The following UBA3 variants were observed in gnomAD, a reference collection of about 807,000 sequenced individuals.
UBA3 encodes NEDD8-activating enzyme E1 catalytic subunit.
In UBA3, 26 loss-of-function variants were observed where a neutral mutation model predicts 73.5. The ratio of observed to expected loss-of-function variants is 0.35; its 90% CI spans 0.26 to 0.49. The LOEUF (loss-of-function observed/expected upper bound fraction) is 0.49, where lower values mean the gene tolerates loss of function less well. UBA3 is among the 20% of genes least tolerant of loss of function. The pLI is 0.98. For missense variants in UBA3, 495 were observed against 555.6 expected (o/e 0.89, Z 1.10); for synonymous variants, 217 against 191.2 (o/e 1.13, Z -1.11).
At chr3:69,076,272 C>T in intron 3 of UBA3, 1 of 152,382 alleles carries the variant, frequency 6.6e-6, no homozygotes, top group Non-Finnish European at 1.5e-5. Flanking sequence ...GGCACTGTGG[C>T]TCACACCTGT....
At chr3:69,063,577 C>T in intron 7 of UBA3, 74 bp from the exon 8 acceptor site, 1 of 1,191,226 alleles carries the variant, frequency 8.4e-7, no homozygotes, top group Non-Finnish European at 1.2e-6. Flanking sequence ...GTAGATTCAT[C>T]AACTGCAACA....
At chr3:69,078,561 C>T (rs1575850959) in intron 2 of UBA3, among the ~76,000 whole-genome samples, 1 of 152,210 alleles carries the variant, frequency 6.6e-6, no homozygotes, top group African/African-American at 2.4e-5. Context: ...GCAGCCTTGC[C>T]CTCCTGGGCT....
chr3:69,077,970 C>T (rs758713092), intron 2 of UBA3, 52 bp from the exon 3 acceptor site: 14 of 1,602,414 alleles, frequency 8.7e-6, no homozygotes, highest in Admixed American at 5.2e-5. Context: ...AAAAAAACCA[C>T]ACCTACAACT....
At chr3:69,075,247 T>A (rs2092155312) in intron 4 of UBA3, 183 bp downstream of exon 4, 1 of 241,324 alleles carries the variant, frequency 4.1e-6, no homozygotes, top group Admixed American at 5.5e-5. Flanking sequence ...GCTTTAGAAT[T>A]TAAAAAGTTC....
At chr3:69,069,273 A>G (rs563028857) in intron 5 of UBA3, among the ~76,000 whole-genome samples, 3 of 152,220 alleles carry the variant, frequency 2.0e-5, no homozygotes, top group African/African-American at 4.8e-5. Context: ...TGTGCTTATT[A>G]GAAAAAAATC....
chr3:69,070,253 T>TA (rs1182538935), intron 5 of UBA3, among the ~76,000 whole-genome samples: 8 of 152,116 alleles, frequency 5.3e-5, no homozygotes, highest in Non-Finnish European at 1.0e-4. Context: ...TTTCAAAGGT[T>TA]AAAAAATAAA....
In UBA3 at chr3:69,061,906, T is replaced by C; in HGVS notation, c.818A>G (p.Asp273Gly). ...PFGEGVPLDGDDPEHIQWIFQ... is the reference protein window; with the variant it reads ...PFGEGVPLDGGDPEHIQWIFQ... ...AATCCATTGTATATGTTCAGGATCATCTCCATCTAATGGAACCCCTTCTGT... is the reference window on the plus strand; with the variant it reads ...AATCCATTGTATATGTTCAGGATCACCTCCATCTAATGGAACCCCTTCTGT... The change falls in exon 11 of 18, where the codon GAT (aspartate) becomes GGT (glycine). Residue 273 changes from aspartate (D) to glycine (G), a missense_variant. Asp to Gly is a moderately conservative substitution (Grantham distance 94). Transcript: ENST00000361055. 1.2e-6 allele frequency: 2 copies of C among 1,603,314 alleles called. No individual in the cohort carries two copies. Among genetic ancestry groups the C allele is most frequent in the Admixed American group, 1.7e-5 (1 of 58,308 alleles).
At chr3:69,057,900 T>A (rs1242214753) in intron 11 of UBA3, among the ~76,000 whole-genome samples, 3 of 151,270 alleles carry the variant, frequency 2.0e-5, no homozygotes, top group Non-Finnish European at 4.4e-5. Flanking sequence ...TAAATACAGT[T>A]CTCTACTTCA....
intron 6 of UBA3, among the ~76,000 whole-genome samples, chr3:69,067,161 A>G (rs1295632254): frequency 6.6e-6 from 1 of 152,204 alleles, no homozygotes; most frequent in African/African-American, 2.4e-5. Flanking sequence ...TTAGGGAGAA[A>G]TGACATCTTT....
At chr3:69,076,746 T>C (rs3853155) in intron 3 of UBA3, among the ~76,000 whole-genome samples, 51,101 of 151,264 alleles carry the variant, frequency 0.34, 8,737 homozygotes, top group East Asian at 0.44. Flanking sequence ...AATTTTTTTT[T>C]CTTTTCTTTT....
chr3:69,068,321 T>C (rs2092090845), intron 5 of UBA3, among the ~76,000 whole-genome samples: 1 of 152,214 alleles, frequency 6.6e-6, no homozygotes, highest in Admixed American at 6.5e-5. Context: ...CACTTTCCAC[T>C]GTAAAAAATT....
In UBA3 at chr3:69,073,081, T is replaced by TA. The variant is rs552515925; in HGVS notation, c.265-1465dup. Among the ~76,000 whole-genome samples, 14 of 152,292 alleles carry TA rather than the reference T, an allele frequency of 9.2e-5. No homozygotes were observed. In the East Asian group the frequency reaches 2.7e-3, roughly 29 times the overall value. On this transcript the variant is annotated intron_variant, in intron 4 of 17. Coordinates refer to ENST00000361055, the MANE Select transcript of UBA3 (RefSeq NM_003968.4). ...TTCTTCCCCCTCTCTGCTCTTCCCT[T>TA]AGTCTATTCTCAATGCATCAGCCTC...
chr3:69,078,017 G>C, intron 2 of UBA3, 99 bp from the exon 3 acceptor site: 1 of 1,397,228 alleles, frequency 7.2e-7, no homozygotes, highest in Admixed American at 2.5e-5. Context: ...AACCACACCA[G>C]ACCTGCTCAA....
At chr3:69,069,810 AG>A (rs2092106955) in intron 5 of UBA3, among the ~76,000 whole-genome samples, 1 of 152,240 alleles carries the variant, frequency 6.6e-6, no homozygotes, top group Admixed American at 6.5e-5. Context: ...AAAGGGATAA[AG>A]TAGACTTCTA....
intron 5 of UBA3, among the ~76,000 whole-genome samples, chr3:69,068,926 A>C (rs2092097440): frequency 6.6e-6 from 1 of 152,224 alleles, no homozygotes; most frequent in Admixed American, 6.5e-5. Context: ...TGCAAATGTT[A>C]CTATTACATC....
chr3:69,072,885 G>A (rs1471514359), intron 4 of UBA3, among the ~76,000 whole-genome samples: 3 of 152,060 alleles, frequency 2.0e-5, no homozygotes, highest in Non-Finnish European at 2.9e-5. Flanking sequence ...TATCATCCTC[G>A]ATTCCTTTCT....
Position 69,070,361 on chromosome 3 carries a change from T to G in UBA3, c.347+1174A>C, listed in dbSNP as rs140582050. Among the ~76,000 whole-genome samples the G allele has an allele frequency of 5.4e-3, 827 of 152,362 alleles. 8 individuals are homozygous for G. The highest frequency in any genetic ancestry group is 0.019 in the African/African-American group (774 of 41,588). ...TCCATACTTCAGTCCCATTAAGATC[T>G]TCCACAAAGATAATGTAGAGGTTTT... On this transcript the variant is annotated intron_variant, in intron 5 of 17. Coordinates refer to ENST00000361055, the MANE Select transcript of UBA3 (RefSeq NM_003968.4).
intron 2 of UBA3, among the ~76,000 whole-genome samples, chr3:69,078,632 C>T (rs1179573877): frequency 1.2e-4 from 19 of 152,126 alleles, no homozygotes; most frequent in Non-Finnish European, 2.9e-5. Context: ...TGCCACCATA[C>T]CCAGCCAATT....
chr3:69,077,712 G>T, intron 3 of UBA3, 86 bp downstream of exon 3: 7 of 1,359,548 alleles, frequency 5.1e-6, no homozygotes, highest in Non-Finnish European at 6.8e-6. Context: ...TATTTTCATT[G>T]TAAGAGCAAA....
Sources: allele counts gnomAD v4.1 joint callset (sites outside exome capture counted in the v4.1 genomes callset), GRCh38; gene constraint gnomAD v4.1.1; transcripts MANE v1.5; gene names NCBI Gene and HGNC (gene_info 2026-07-23, HGNC 2026-07-21).